The following NARS2 variants were observed in gnomAD, a reference collection of about 807,000 sequenced individuals.
The protein encoded by NARS2 is asparaginyl-tRNA synthetase.
In NARS2, 60 loss-of-function variants were observed where a neutral mutation model predicts 62.9. The ratio of observed to expected loss-of-function variants is 0.95; its 90% confidence interval spans 0.77 to 1.18. The LOEUF (loss-of-function observed/expected upper bound fraction) is 1.18, where lower values mean the gene tolerates loss of function less well. Ranked by LOEUF, NARS2 falls within the 50% of genes most tolerant of loss-of-function variation. The pLI is 0.00. For synonymous variants in NARS2, 196 were observed against 200.0 expected (o/e 0.98, Z 0.17); for missense variants, 619 against 576.4 (o/e 1.07, Z -0.76).
chr11:78,461,454 G>A lies in NARS2; in HGVS notation c.1164+4422C>T, dbSNP rs150595744. ...TTAATAGTGCTGATTAGCACTGACC[G>A]GCCAAGTAAAATAAAGACTTAAAAG... On this transcript the variant is annotated intron_variant, in intron 11 of 13. Transcript: ENST00000281038. Among the ~76,000 whole-genome samples the A allele has an allele frequency of 1.4e-3, 211 of 151,696 alleles. 1 individual carries two copies. The highest frequency in any genetic ancestry group is 5.0e-3 in the African/African-American group (205 of 41,342).
At chr11:78,556,696 TA>T (rs779313056) in intron 5 of NARS2, among the ~76,000 whole-genome samples, 4 of 152,242 alleles carry the variant, frequency 2.6e-5, no homozygotes, top group Non-Finnish European at 5.9e-5. Flanking sequence ...TTAAGATCTT[TA>T]AACTAAATTT....
chr11:78,553,894 T>C (rs182978649), intron 5 of NARS2, among the ~76,000 whole-genome samples: 1 of 152,354 alleles, frequency 6.6e-6, no homozygotes, highest in Admixed American at 6.5e-5. Context: ...GCCTCTTTAA[T>C]CCATCTTGAG....
chr11:78,442,908 C>A (rs1028227231), intron 12 of NARS2, among the ~76,000 whole-genome samples: 1 of 152,218 alleles, frequency 6.6e-6, no homozygotes, highest in Admixed American at 6.5e-5. Flanking sequence ...ATTCTAAATG[C>A]TATCTGACTA....
chr11:78,561,478 C>T (rs905054523), intron 4 of NARS2, among the ~76,000 whole-genome samples: 1 of 152,172 alleles, frequency 6.6e-6, no homozygotes, highest in Non-Finnish European at 1.5e-5. Flanking sequence ...CAACCACTTT[C>T]ACCCAATTTT....
chr11:78,560,785 C>T (rs1052944628), intron 4 of NARS2, among the ~76,000 whole-genome samples: 8 of 152,282 alleles, frequency 5.3e-5, no homozygotes, highest in Admixed American at 5.2e-4. Context: ...CAGCAACATG[C>T]CCAGAGGTGC....
At chr11:78,496,924 T>C (rs1469652838) in intron 6 of NARS2, among the ~76,000 whole-genome samples, 13 of 152,160 alleles carry the variant, frequency 8.5e-5, no homozygotes, top group Admixed American at 8.5e-4. Context: ...TCTTTTTTCC[T>C]ATCTTCCACA....
chr11:78,514,069 C>T (rs1306700589), intron 6 of NARS2, among the ~76,000 whole-genome samples: 2 of 152,156 alleles, frequency 1.3e-5, no homozygotes, highest in African/African-American at 4.8e-5. Context: ...TCCTGTACAG[C>T]CTACAAAACC....
chr11:78,522,130 T>C lies in NARS2; in HGVS notation c.689+6712A>G, dbSNP rs560634898. Among the ~76,000 whole-genome samples the C allele has an allele frequency of 5.0e-3, 756 of 151,738 alleles. 7 individuals carry two copies. Among genetic ancestry groups the C allele is most frequent in the African/African-American group, 0.018 (732 of 41,292 alleles). On this transcript the variant is annotated intron_variant, in intron 6 of 13. Transcript: ENST00000281038. ...ACTACATCCAGCTAATTTTTTTTTT[T>C]TTTTTTTTGGTAGAGATAAGGTTTC...
chr11:78,543,729 T>C (rs1855725213), intron 5 of NARS2, among the ~76,000 whole-genome samples: 1 of 152,082 alleles, frequency 6.6e-6, no homozygotes, highest in Non-Finnish European at 1.5e-5. Flanking sequence ...CATAAGCTAC[T>C]TTCTAAATAT....
chr11:78,554,369 A>G (rs1856251072), intron 5 of NARS2, among the ~76,000 whole-genome samples: 1 of 152,030 alleles, frequency 6.6e-6, no homozygotes, highest in Non-Finnish European at 1.5e-5. Flanking sequence ...CATTTTAATG[A>G]TATTGATTCT....
intron 7 of NARS2, among the ~76,000 whole-genome samples, chr11:78,491,484 G>A (rs548935599): frequency 1.3e-5 from 2 of 152,338 alleles, no homozygotes; most frequent in African/African-American, 2.4e-5. Flanking sequence ...AGGAACTGTC[G>A]AGACCCAAAG....
chr11:78,463,074 T>C (rs1858458268), intron 11 of NARS2, among the ~76,000 whole-genome samples: 1 of 150,428 alleles, frequency 6.6e-6, no homozygotes, highest in Non-Finnish European at 1.5e-5. Context: ...ATTTAATTAT[T>C]TGTTTTTCAC....
intron 10 of NARS2, among the ~76,000 whole-genome samples, chr11:78,467,759 G>A (rs1858683899): frequency 6.6e-6 from 1 of 152,028 alleles, no homozygotes; most frequent in Admixed American, 6.5e-5. Context: ...AATGACAGAT[G>A]TGTTAACTAA....
Position 78,568,711 on chromosome 11 carries a change from A to G in NARS2, c.293T>C (p.Leu98Pro). ...FGSSVEVQGQ[L>P]IKSPSKRQNV... ...TTGCCTTTTGGATGGACTTTTTATC[A>G]GCTGCCCTTGTACTTCCACAGAACT... The change falls in exon 3 of 14, where the codon CTG becomes CCG. Residue 98 changes from leucine (L) to proline (P), a missense_variant. By Grantham distance (98) the Leu-to-Pro change is moderately conservative. Coordinates refer to ENST00000281038, the MANE Select transcript of NARS2 (RefSeq NM_024678.6). 6.2e-7 allele frequency: 1 copy of G among 1,612,524 alleles called. No individual in the cohort carries two copies. The highest frequency in any genetic ancestry group is 8.5e-7 in the Non-Finnish European group (1 of 1,178,868).
intron 11 of NARS2, among the ~76,000 whole-genome samples, chr11:78,444,759 T>C (rs1376566374): frequency 7.0e-6 from 1 of 141,924 alleles, no homozygotes; most frequent in Non-Finnish European, 1.5e-5. Context: ...AAGAAAATAA[T>C]ATATCTGCAA....
At position 78,441,180 on chromosome 11, in the gene NARS2, C is replaced by T; in HGVS notation, c.1263-63G>A. On this transcript the variant is annotated intron_variant, in intron 12 of 13. Transcript: ENST00000281038. ...AATAAGATAAATATTAACCACTAGACATTTATTCTGGGTGTGTGCAAAGAA... is the reference window on the plus strand; with the variant it reads ...AATAAGATAAATATTAACCACTAGATATTTATTCTGGGTGTGTGCAAAGAA... The T allele has an allele frequency of 3.4e-6, 5 of 1,450,020 alleles. No individual in the cohort carries two copies. In the South Asian group the frequency reaches 4.8e-5, roughly 14 times the overall value. 89.8% of individuals were successfully genotyped at this position (1,450,020 alleles called of 1,614,324 possible).
At chr11:78,537,575 C>A (rs1019250114) in intron 5 of NARS2, among the ~76,000 whole-genome samples, 17 of 152,156 alleles carry the variant, frequency 1.1e-4, no homozygotes, top group Admixed American at 3.3e-4. Flanking sequence ...GGTGGGAGAA[C>A]TGCTCGAGTC....
In NARS2 at chr11:78,492,981, C is replaced by G. The variant is rs112893372; in HGVS notation, c.822+82G>C. The G allele has an allele frequency of 5.3e-4, 658 of 1,249,806 alleles. 3 individuals carry two copies. In the African/African-American group the frequency reaches 8.6e-3, roughly 16 times the overall value. 77.4% of individuals were successfully genotyped at this position (1,249,806 alleles called of 1,614,324 possible). ...CTTTTCACTTTATGAATACCTGTAA[C>G]ACATAAACGTCCGAGGTAAAAATAT... On this transcript the variant is annotated intron_variant, in intron 7 of 13. Transcript: ENST00000281038.
Position 78,574,622 on chromosome 11 carries a change from G to C in NARS2, c.-134C>G. ...GCTCTAAGGCACTCCAGAGCCCCTC[G>C]GCTGCGCGCTTTCTCCTTCAGGACT... On this transcript the variant is annotated 5_prime_UTR_variant, in exon 1 of 14. Transcript: ENST00000281038. 1 of 987,132 alleles carries C rather than the reference G, an allele frequency of 1.0e-6. No homozygotes were observed. The highest frequency in any genetic ancestry group is 1.6e-5 in the African/African-American group (1 of 60,750). 61.1% of individuals were successfully genotyped at this position (987,132 alleles called of 1,614,324 possible).
Sources: allele counts gnomAD v4.1 joint callset (sites outside exome capture counted in the v4.1 genomes callset), GRCh38; gene constraint gnomAD v4.1.1; transcripts MANE v1.5; gene names NCBI Gene and HGNC (gene_info 2026-07-23, HGNC 2026-07-21).